Variants in VPS13C observed in about 807,000 individuals in gnomAD.
VPS13C encodes intermembrane lipid transfer protein VPS13C.
VPS13C carries 358 observed loss-of-function variants against 456.8 expected under a neutral mutation model. The ratio of observed to expected loss-of-function variants is 0.78; its 90% CI spans 0.72 to 0.86. The LOEUF is 0.86. Among genes scored for constraint, VPS13C ranks in the 40% least tolerant of loss-of-function variants. The pLI is 0.00. For missense variants in VPS13C, 4,818 were observed against 4,385.4 expected (o/e 1.10, Z -2.79); for synonymous variants, 1,578 against 1,486.7 (o/e 1.06, Z -1.41).
Position 61,869,550 on chromosome 15 carries a change from T to C in VPS13C, c.10698A>G (p.Pro3566=). The stretch of plus-strand genomic sequence containing the variant: ...TGGCCATATCTACGATTCCACCAGT[T>C]GGACGGGCCACAGCACCCACAAGCC... ...GKGLVGAVAR[P]TGGIVDMASS... is the part of the protein sequence containing the mutation. Residue 3566 remains proline, a synonymous_variant, in exon 80 of 85, where the codon CCA becomes CCG. Transcript: ENST00000644861. 6.2e-7 allele frequency: 1 copy of C among 1,614,156 alleles called. No homozygotes were observed. Among genetic ancestry groups the C allele is most frequent in the African/African-American group, 1.3e-5 (1 of 75,042 alleles).
At chr15:61,872,119 C>G (rs1483498124) in intron 78 of VPS13C, 85 bp from the exon 79 acceptor site, 18 of 1,071,708 alleles carry the variant, frequency 1.7e-5, no homozygotes, top group Non-Finnish European at 2.3e-5. Flanking sequence ...TACAGACATA[C>G]TGGAAATAAC....
chr15:61,928,295 G>A (rs2043936005), intron 51 of VPS13C, among the ~76,000 whole-genome samples: 2 of 152,232 alleles, frequency 1.3e-5, no homozygotes, highest in South Asian at 2.1e-4. Flanking sequence ...GCAGGGGCAA[G>A]AAGGGGAAAA....
chr15:61,982,480 T>C lies in VPS13C; in HGVS notation c.2008A>G (p.Ile670Val), dbSNP rs763618882. ...TSATLMKLEEIKERTATGLTH... is the reference protein window; with the variant it reads ...TSATLMKLEEVKERTATGLTH... ...TCACCTGTAGCTGTTCTCTCCTTAA[T>C]TTCTTCCAGCTTCATCAATGTTGCT... The change falls in exon 21 of 85, where the codon ATT becomes GTT. Residue 670 changes from isoleucine to valine, a missense_variant. Coordinates refer to ENST00000644861, the MANE Select transcript of VPS13C (RefSeq NM_020821.3). 28 of 1,608,296 alleles carry C rather than the reference T, an allele frequency of 1.7e-5. No individual in the cohort carries two copies. The Middle Eastern group carries it at 4.9e-4, about 28-fold the overall frequency.
At chr15:61,864,383 A>G in intron 81 of VPS13C, 1 of 904,594 alleles carries the variant, frequency 1.1e-6, no homozygotes, top group Non-Finnish European at 1.3e-6. Flanking sequence ...TCAAATATTA[A>G]AAACGAGTTT....
intron 5 of VPS13C, among the ~76,000 whole-genome samples, chr15:62,030,096 G>A (rs557199653): frequency 1.3e-5 from 2 of 152,158 alleles, no homozygotes; most frequent in East Asian, 3.9e-4. Flanking sequence ...GTGGTACAGA[G>A]TACCAACAGA....
rs2043505965 is a variant in VPS13C, at chr15:61,917,384, G to A, written c.8012C>T (p.Thr2671Ile). Reference sequence around the variant, plus strand: ...GGAATATGGGAGAAGATTCCGCAAAGTGAGAGAAGGATAAAGATGAATAAT... The same window carrying A: ...GGAATATGGGAGAAGATTCCGCAAAATGAGAGAAGGATAAAGATGAATAAT... ...AYIIHLYPSL[T>I]LRNLLPYSLR... Residue 2671 changes from threonine (T) to isoleucine (I), a missense_variant, in exon 60 of 85, where the codon ACT (threonine) becomes ATT (isoleucine). Transcript: ENST00000644861. The A allele has an allele frequency of 6.2e-7, 1 of 1,613,944 alleles. No homozygotes were observed. Among genetic ancestry groups the A allele is most frequent in the South Asian group, 1.1e-5 (1 of 91,070 alleles).
intron 5 of VPS13C, among the ~76,000 whole-genome samples, chr15:62,033,102 G>A (rs1050077925): frequency 1.6e-4 from 24 of 151,392 alleles, no homozygotes; most frequent in African/African-American, 5.1e-4. Context: ...GCAAGAACAC[G>A]GGTAAACATG....
intron 42 of VPS13C, among the ~76,000 whole-genome samples, chr15:61,947,752 T>C (rs931895413): frequency 3.3e-5 from 5 of 152,218 alleles, no homozygotes; most frequent in Non-Finnish European, 7.4e-5. Context: ...TATTATTTAC[T>C]ATGGCACTTA....
chr15:61,998,988 T>C (rs901831266), intron 16 of VPS13C, among the ~76,000 whole-genome samples: 2 of 152,242 alleles, frequency 1.3e-5, no homozygotes, highest in African/African-American at 2.4e-5. Context: ...CAGTGTACAA[T>C]ACATATAACA....
At chr15:61,942,134 G>T in intron 45 of VPS13C, 67 bp from the exon 46 acceptor site, 1 of 1,375,824 alleles carries the variant, frequency 7.3e-7, no homozygotes, top group Non-Finnish European at 9.8e-7. Context: ...ACTTTAAAAA[G>T]CATTTACTTT....
chr15:61,880,551 C>G (rs759114449), intron 73 of VPS13C, 58 bp downstream of exon 73: 1 of 1,206,376 alleles, frequency 8.3e-7, no homozygotes, highest in African/African-American at 1.6e-5. Context: ...GTCCACAGAC[C>G]CTTTAAAAAG....
chr15:62,044,084 T>C (rs1303209764), intron 2 of VPS13C, 128 bp downstream of exon 2: 3 of 589,342 alleles, frequency 5.1e-6, no homozygotes, highest in South Asian at 2.4e-5. Context: ...AGCAAATAGT[T>C]GAACAAGTAA....
chr15:62,041,198 T>C, intron 3 of VPS13C, 126 bp downstream of exon 3: 1 of 862,012 alleles, frequency 1.2e-6, no homozygotes, highest in East Asian at 2.7e-5. Flanking sequence ...CTCTACGAGC[T>C]CTAATTAATG....
At chr15:61,934,571 A>AT (rs891677362) in intron 48 of VPS13C, among the ~76,000 whole-genome samples, 2 of 151,602 alleles carry the variant, frequency 1.3e-5, no homozygotes, top group African/African-American at 2.4e-5. Flanking sequence ...ATGTTAAAAA[A>AT]TTTTTTTTTA....
intron 68 of VPS13C, among the ~76,000 whole-genome samples, chr15:61,883,819 C>T (rs957826639): frequency 6.6e-6 from 1 of 151,736 alleles, no homozygotes; most frequent in African/African-American, 2.4e-5. Flanking sequence ...CCTAATCTTT[C>T]TGGAAACAAG....
chr15:62,045,851 C>T (rs990715121), intron 1 of VPS13C, among the ~76,000 whole-genome samples: 4 of 151,074 alleles, frequency 2.6e-5, no homozygotes, highest in Non-Finnish European at 5.9e-5. Context: ...GTATTATAAA[C>T]AAAAAAAAGT....
At chr15:61,901,617 T>G (rs1009710944) in intron 66 of VPS13C, among the ~76,000 whole-genome samples, 2 of 151,968 alleles carry the variant, frequency 1.3e-5, no homozygotes, top group African/African-American at 4.8e-5. Flanking sequence ...AAACAACAGG[T>G]GCTGGAGAGG....
chr15:61,919,012 A>G (rs1188684946), intron 58 of VPS13C, among the ~76,000 whole-genome samples: 1 of 152,162 alleles, frequency 6.6e-6, no homozygotes, highest in African/African-American at 2.4e-5. Context: ...GAATATACCA[A>G]AAGAGCTTTA....
chr15:61,992,515 C>T (rs1458651773), intron 16 of VPS13C, among the ~76,000 whole-genome samples: 2 of 152,002 alleles, frequency 1.3e-5, no homozygotes, highest in South Asian at 2.1e-4. Context: ...ATATTGTAAG[C>T]CTCTGTGTGT....
Sources: allele counts gnomAD v4.1 joint callset (sites outside exome capture counted in the v4.1 genomes callset), GRCh38; gene constraint gnomAD v4.1.1; transcripts MANE v1.5; gene names NCBI Gene and HGNC (gene_info 2026-07-23, HGNC 2026-07-21).